Variants in FCMR observed in about 807,000 individuals in gnomAD.
FCMR encodes immunoglobulin mu Fc receptor.
FCMR carries 34 observed loss-of-function variants against 41.6 expected under a neutral mutation model. That is an observed-to-expected ratio of 0.82 (90% CI 0.62 to 1.09). The LOEUF is 1.09. Among genes scored for constraint, FCMR ranks in the 50% least tolerant of loss-of-function variants. FCMR has a pLI of 0.00. For synonymous variants in FCMR, 209 were observed against 211.8 expected, an observed-to-expected ratio of 0.99 and a Z score of 0.12; for missense variants, 496 against 512.5, an observed-to-expected ratio of 0.97 and a Z score of 0.31.
At chr1:206,911,255 T>A (rs1678930217) in intron 4 of FCMR, among the ~76,000 whole-genome samples, 1 of 150,002 alleles carries the variant, frequency 6.7e-6, no homozygotes, top group Admixed American at 6.7e-5. Context: ...TTTTTTGGAG[T>A]CTGCTATAAT....
chr1:206,908,095 T>A (rs2102546278), intron 7 of FCMR: 1 of 1,160,468 alleles, frequency 8.6e-7, no homozygotes, highest in Admixed American at 1.9e-5. Context: ...GGAGGAGAAG[T>A]GGAAGGAGAA....
intron 7 of FCMR, chr1:206,906,201 C>G (rs1280339679): frequency 2.0e-6 from 1 of 490,538 alleles, no homozygotes; most frequent in Non-Finnish European, 4.1e-6. Flanking sequence ...TTAACCAGCA[C>G]ATAACAATAG....
At chr1:206,920,566 C>T (rs1429568069) in intron 1 of FCMR, among the ~76,000 whole-genome samples, 1 of 151,846 alleles carries the variant, frequency 6.6e-6, no homozygotes, top group Non-Finnish European at 1.5e-5. Flanking sequence ...AGGAGGAGTC[C>T]TGTTGGCCGA....
At position 206,910,281 on chromosome 1, in the gene FCMR, G is replaced by T. The variant is rs376892573; in HGVS notation, c.770C>A (p.Pro257Gln). The change falls in exon 5 of 8, where the codon CCG (proline) becomes CAG (glutamine). Residue 257 changes from proline (P) to glutamine (Q), a missense_variant. Coordinates refer to ENST00000367091, the MANE Select transcript of FCMR (RefSeq NM_005449.5). The stretch of plus-strand genomic sequence containing the variant: ...CAGCAGGAAAAGGCCCAGGATGGTC[G>T]GGATCAGGATGTGAAATCCTTGGCC... ...REGQGFHILI[P>Q]TILGLFLLAL... 4 of 1,578,460 alleles carry T rather than the reference G, an allele frequency of 2.5e-6. No individual in the cohort carries two copies. Among genetic ancestry groups the T allele is most frequent in the Non-Finnish European group, 1.7e-6 (2 of 1,162,122 alleles).
Position 206,909,885 on chromosome 1 carries a change from C to T in FCMR, c.842-17G>A, listed in dbSNP as rs962332990. 36 of 1,371,778 alleles carry T rather than the reference C, an allele frequency of 2.6e-5. No individual in the cohort carries two copies. The highest frequency in any genetic ancestry group is 3.3e-5 in the Non-Finnish European group (35 of 1,063,500). 85.0% of individuals were successfully genotyped at this position (1,371,778 alleles called of 1,614,324 possible). ...TGGAGAGGGCTTCCCCACAAAGCCA[C>T]GGGAAGAGGGAGGAAAATGGCATCA... On this transcript the variant is annotated splice_polypyrimidine_tract_variant and intron_variant, in intron 5 of 7. Transcript: ENST00000367091. This position sits in a 1 kb window ranked among gnomAD's most constrained non-coding sequence, Gnocchi z 5.0.
chr1:206,922,378 A>G (rs1313253228), upstream of FCMR, among the ~76,000 whole-genome samples: 1 of 152,156 alleles, frequency 6.6e-6, no homozygotes, highest in Non-Finnish European at 1.5e-5. Flanking sequence ...TCACCAGTTA[A>G]CTCACCTTTA....
At position 206,904,778 on chromosome 1, in the gene FCMR, A is replaced by G; in HGVS notation, c.*241T>C. 1 of 505,790 alleles carries G rather than the reference A, an allele frequency of 2.0e-6. No homozygotes were observed. Among genetic ancestry groups the G allele is most frequent in the Non-Finnish European group, 3.6e-6 (1 of 277,060 alleles). The allele number at this position is 505,790 out of a possible 1,614,324, so 31.3% of individuals were successfully genotyped here. The stretch of plus-strand genomic sequence containing the variant: ...TGGAAAGGAAGCAAGTGGCATTGGG[A>G]CAATTGCTCTACATGCCTACAGCTT... On this transcript the variant is annotated 3_prime_UTR_variant, in exon 8 of 8. Coordinates refer to ENST00000367091, the MANE Select transcript of FCMR (RefSeq NM_005449.5).
At chr1:206,911,019 ACAATG>A (rs1429848355) in intron 4 of FCMR, among the ~76,000 whole-genome samples, 1 of 152,140 alleles carries the variant, frequency 6.6e-6, no homozygotes, top group Non-Finnish European at 1.5e-5. Flanking sequence ...AGGACATAGC[ACAATG>A]CTTGCCACAT....
intron 7 of FCMR, chr1:206,906,363 G>T: frequency 4.9e-6 from 1 of 205,536 alleles, no homozygotes; most frequent in East Asian, 1.2e-4. Flanking sequence ...GCTGAGGATG[G>T]GGAAGAGGAT....
At chr1:206,918,265 G>A (rs182066065) in intron 1 of FCMR, among the ~76,000 whole-genome samples, 16 of 152,244 alleles carry the variant, frequency 1.1e-4, no homozygotes, top group Middle Eastern at 6.8e-3. Flanking sequence ...GTGGCTCCCT[G>A]TCAGCCTGCA....
rs2102533949 is a variant in FCMR at position 206,904,315 on chromosome 1, T to TTC, written c.*703_*704insGA. On this transcript the variant is annotated 3_prime_UTR_variant, in exon 8 of 8. Transcript: ENST00000367091. ...AGAGATACTTTTTTTTTTTTTTTTTTAGAGGGGAGATGCTGAGGTCAGGGC... is the reference window on the plus strand; with the variant it reads ...AGAGATACTTTTTTTTTTTTTTTTTTTCAGAGGGGAGATGCTGAGGTCAGGGC... 6.6e-6 allele frequency: 1 copy of TTC among 150,876 alleles called. No individual in the cohort carries two copies. The highest frequency in any genetic ancestry group is 2.1e-4 in the South Asian group (1 of 4,782). 9.3% of individuals were successfully genotyped at this position (150,876 alleles called of 1,614,324 possible).
At chr1:206,918,430 G>A (rs959179955) in intron 1 of FCMR, among the ~76,000 whole-genome samples, 1 of 152,110 alleles carries the variant, frequency 6.6e-6, no homozygotes, top group Admixed American at 6.6e-5. Context: ...CCACCAAAAT[G>A]TGATCTCCAG....
rs748391555 is a variant in FCMR at position 206,911,769 on chromosome 1, G to T, written c.671C>A (p.Thr224Lys). 2 of 1,611,220 alleles carry T rather than the reference G, an allele frequency of 1.2e-6. No individual in the cohort carries two copies. The highest frequency in any genetic ancestry group is 1.7e-6 in the Non-Finnish European group (2 of 1,179,206). The change falls in exon 4 of 8, where the codon ACG becomes AAG. Residue 224 changes from threonine to lysine, a missense_variant. Transcript: ENST00000367091. ...CCTGGTGTGGTGGTTGTAGCTGGGC[G>T]TCTGGGGCTTGAGCAGCCCCTCCAG... ...SALEGLLKPQTPSYNHHTRLH... is the reference protein window; with the variant it reads ...SALEGLLKPQKPSYNHHTRLH...
intron 4 of FCMR, among the ~76,000 whole-genome samples, chr1:206,910,740 A>T (rs1296429973): frequency 6.6e-6 from 1 of 152,174 alleles, no homozygotes; most frequent in Non-Finnish European, 1.5e-5. Flanking sequence ...CTAGTTCCTT[A>T]TAATGGTGGG....
chr1:206,913,502 C>T (rs1188246115), intron 2 of FCMR: 4 of 544,758 alleles, frequency 7.3e-6, no homozygotes, highest in Non-Finnish European at 1.3e-5. Flanking sequence ...CAAGCCTCTA[C>T]TCCCCTCATG....
In FCMR at chr1:206,905,008, C is replaced by T. The variant is rs748655962; in HGVS notation, c.*11G>A. The stretch of plus-strand genomic sequence containing the variant: ...GTCCGAGCCTGGGGTTGGGGGATAG[C>T]TGGGGAGTTGTCAGGCAGGAACATT... On this transcript the variant is annotated 3_prime_UTR_variant, in exon 8 of 8. Transcript: ENST00000367091. 3.7e-5 allele frequency: 59 copies of T among 1,613,700 alleles called. No homozygotes were observed. Among genetic ancestry groups the T allele is most frequent in the Non-Finnish European group, 5.0e-5 (59 of 1,179,926 alleles).
At position 206,909,477 on chromosome 1, in the gene FCMR, G is replaced by C; in HGVS notation, c.1029C>G (p.Pro343=). The C allele has an allele frequency of 7.8e-7, 1 of 1,283,906 alleles. No individual in the cohort carries two copies. The highest frequency in any genetic ancestry group is 9.8e-7 in the Non-Finnish European group (1 of 1,016,734). 79.5% of individuals were successfully genotyped at this position (1,283,906 alleles called of 1,614,324 possible). Residue 343 remains proline (P), a synonymous_variant, in exon 7 of 8, where the codon CCC becomes CCG. Transcript: ENST00000367091. The surrounding 1 kb of genome is among the most constrained non-coding windows in gnomAD (Gnocchi z 5.0). The part of the protein sequence containing the change: ...APVPGPGAPL[P]PAPLQVSESP... ...CGGAGCTTACCTGCAGCGGGGCGGGGGGCAACGGCGCTCCGGGGCCGGGAA... is the reference window on the plus strand; with the variant it reads ...CGGAGCTTACCTGCAGCGGGGCGGGCGGCAACGGCGCTCCGGGGCCGGGAA...
In FCMR at chr1:206,909,384, C is replaced by A. The variant is rs2102549440; in HGVS notation, c.1044+78G>T. ...ATCGCGGCGGCGGCGGCGCGGGAAG[C>A]CACACTCGGGTCCCCGCCCAGGGCT... On this transcript the variant is annotated intron_variant, in intron 7 of 7. Coordinates refer to ENST00000367091, the MANE Select transcript of FCMR (RefSeq NM_005449.5). This position sits in a 1 kb window ranked among gnomAD's most constrained non-coding sequence, Gnocchi z 5.0. The A allele has an allele frequency of 2.2e-6, 2 of 893,266 alleles. No individual in the cohort carries two copies. The highest frequency in any genetic ancestry group is 3.4e-5 in the African/African-American group (2 of 58,174). 55.3% of individuals were successfully genotyped at this position (893,266 alleles called of 1,614,324 possible). A position where few individuals can be genotyped will look rare whatever the true frequency, so the allele number is the denominator to read the frequency against.
In FCMR at chr1:206,911,834, T is replaced by C; in HGVS notation, c.606A>G (p.Arg202=). ...RASSVAGDKP[R]TFLPSTTASK... ...AGGCTGTAGTGGATGGCAGGAAGGTTCGGGGCTTGTCACCTGCTACTGAAG... is the reference window on the plus strand; with the variant it reads ...AGGCTGTAGTGGATGGCAGGAAGGTCCGGGGCTTGTCACCTGCTACTGAAG... The change falls in exon 4 of 8, where the codon CGA becomes CGG. Residue 202 remains arginine, a synonymous_variant. Coordinates refer to ENST00000367091, the MANE Select transcript of FCMR (RefSeq NM_005449.5). 1 of 1,611,924 alleles carries C rather than the reference T, an allele frequency of 6.2e-7. No individual in the cohort carries two copies. Among genetic ancestry groups the C allele is most frequent in the Non-Finnish European group, 8.5e-7 (1 of 1,179,144 alleles).
Sources: gnomAD v4.1 joint callset for allele counts (sites outside exome capture counted in the v4.1 genomes callset) on GRCh38, gnomAD v4.1.1 for gene constraint, Gnocchi (gnomAD v3.1) non-coding constraint, MANE v1.5 for transcripts, NCBI Gene and HGNC (gene_info 2026-07-23, HGNC 2026-07-21) for gene names.